ANKEF1: variants seen among roughly 807,000 people sequenced by gnomAD.
ANKEF1 encodes the protein ankyrin repeat and EF-hand domain-containing protein 1.
Under a neutral mutation model 65.1 loss-of-function variants are expected in ANKEF1, and 43 were observed. That is an observed-to-expected ratio of 0.66 (90% CI 0.52 to 0.85). ANKEF1 has a LOEUF of 0.85. ANKEF1 is among the 40% of genes least tolerant of loss of function. The pLI is 0.00. For missense variants in ANKEF1, 934 were observed against 952.9 expected (o/e 0.98, Z 0.26); for synonymous variants, 316 against 341.5 (o/e 0.93, Z 0.82).
intron 8 of ANKEF1, among the ~76,000 whole-genome samples, chr20:10,052,227 G>A (rs1423002290): frequency 6.6e-6 from 1 of 152,066 alleles, no homozygotes; most frequent in Non-Finnish European, 1.5e-5. Flanking sequence ...ATTATATTAA[G>A]TTGCTAAAAA....
Position 10,053,184 on chromosome 20 carries a change from A to G in ANKEF1, c.1943A>G (p.Asp648Gly). 1.2e-6 allele frequency: 2 copies of G among 1,613,782 alleles called. No homozygotes were observed. The highest frequency in any genetic ancestry group is 8.5e-7 in the Non-Finnish European group (1 of 1,179,772). The stretch of plus-strand genomic sequence containing the variant: ...ATTGATCTGATTAAAGAAAAGCTAG[A>G]TAACTTGCCGAAACCAGCAGAAAAT... The part of the protein sequence containing the change: ...RIIDLIKEKL[D>G]NLPKPAENQK... Residue 648 changes from aspartate (D) to glycine (G), a missense_variant, in exon 9 of 11, where the codon GAT (aspartate) becomes GGT (glycine). Physicochemically the swap from Asp to Gly is moderately conservative, Grantham distance 94. Coordinates refer to ENST00000378392, the MANE Select transcript of ANKEF1 (RefSeq NM_022096.6).
At position 10,049,874 on chromosome 20, in the gene ANKEF1, CTG is replaced by C; in HGVS notation, c.1309_1310del (p.Val437HisfsTer3). On this transcript the variant is annotated frameshift_variant, in exon 7 of 11. Coordinates refer to ENST00000378392, the MANE Select transcript of ANKEF1 (RefSeq NM_022096.6). LOFTEE classifies it high-confidence loss of function. ...KGKFVLPLPI[C>X]VIPEYAFPRR... The stretch of plus-strand genomic sequence containing the variant: ...GGAAATTTGTCTTACCCCTTCCAAT[CTG>C]TGTCATTCCTGAGTACGCGTTTCCA... 6.2e-7 allele frequency: 1 copy of C among 1,614,210 alleles called. No homozygotes were observed. The highest frequency in any genetic ancestry group is 8.5e-7 in the Non-Finnish European group (1 of 1,180,032).
intron 9 of ANKEF1, 26 bp from the exon 10 acceptor site, chr20:10,054,436 T>G: frequency 2.0e-6 from 3 of 1,510,458 alleles, no homozygotes; most frequent in Non-Finnish European, 2.6e-6. Flanking sequence ...TTTTACAATT[T>G]ATAATTTTTT....
chr20:10,038,156 A>G (rs1007980893), intron 2 of ANKEF1, 102 bp from the exon 3 acceptor site: 1 of 508,602 alleles, frequency 2.0e-6, no homozygotes, highest in Non-Finnish European at 3.4e-6. Flanking sequence ...CATTTCTTAA[A>G]AAACAATCTC....
chr20:10,053,314 TCTTTAA>T, intron 9 of ANKEF1, 39 bp downstream of exon 9: 1 of 1,548,328 alleles, frequency 6.5e-7, no homozygotes, highest in Non-Finnish European at 8.7e-7. Context: ...TAACTGGAAC[TCTTTAA>T]AAATCTGTTT....
intron 4 of ANKEF1, 42 bp from the exon 5 acceptor site, chr20:10,044,352 T>C (rs1984378417): frequency 6.3e-7 from 1 of 1,593,226 alleles, no homozygotes; most frequent in Non-Finnish European, 8.6e-7. Flanking sequence ...CTTAATATGA[T>C]GGGTATAAAC....
At chr20:10,041,445 A>G (rs1007083624) in intron 3 of ANKEF1, among the ~76,000 whole-genome samples, 1 of 152,094 alleles carries the variant, frequency 6.6e-6, no homozygotes, top group Non-Finnish European at 1.5e-5. Context: ...TAAGATTAGT[A>G]CAATAACCCT....
chr20:10,044,354 G>A, intron 4 of ANKEF1, 40 bp from the exon 5 acceptor site: 1 of 1,604,546 alleles, frequency 6.2e-7, no homozygotes, highest in South Asian at 1.1e-5. Flanking sequence ...TAATATGATG[G>A]GTATAAACAG....
chr20:10,040,342 G>C (rs1984108986), intron 3 of ANKEF1, among the ~76,000 whole-genome samples: 1 of 152,200 alleles, frequency 6.6e-6, no homozygotes, highest in South Asian at 2.1e-4. Context: ...CTATTTTCTG[G>C]TGACTCATGT....
At chr20:10,039,491 ACT>A (rs1389108959) in intron 3 of ANKEF1, among the ~76,000 whole-genome samples, 1 of 152,212 alleles carries the variant, frequency 6.6e-6, no homozygotes, top group Non-Finnish European at 1.5e-5. Context: ...TACTTTTCTA[ACT>A]CTCTCCAGAC....
At chr20:10,037,854 T>C (rs777664989) in intron 2 of ANKEF1, among the ~76,000 whole-genome samples, 3 of 152,224 alleles carry the variant, frequency 2.0e-5, no homozygotes, top group African/African-American at 4.8e-5. Flanking sequence ...CTCAAAATTA[T>C]ATGTTTTTAT....
Position 10,051,937 on chromosome 20 carries a change from T to C in ANKEF1, c.1870+48T>C, listed in dbSNP as rs998727245. The C allele has an allele frequency of 4.3e-6, 6 of 1,401,870 alleles. No homozygotes were observed. The African/African-American group carries it at 4.3e-5, about 10-fold the overall frequency. 86.8% of individuals were successfully genotyped at this position (1,401,870 alleles called of 1,614,324 possible). On this transcript the variant is annotated intron_variant, in intron 8 of 10. Transcript: ENST00000378392. The stretch of plus-strand genomic sequence containing the variant: ...ATTAGGGTTAGAAAAGGAGAACTTA[T>C]GTTAGATTCTAAGCCCCTTCTGATT...
intron 7 of ANKEF1, among the ~76,000 whole-genome samples, chr20:10,050,966 G>A (rs1984827701): frequency 6.6e-6 from 1 of 152,100 alleles, no homozygotes; most frequent in Non-Finnish European, 1.5e-5. Context: ...TAACTTTTTA[G>A]ACTACAACAA....
chr20:10,046,418 C>T (rs1221940047), intron 6 of ANKEF1, among the ~76,000 whole-genome samples: 1 of 151,958 alleles, frequency 6.6e-6, no homozygotes, highest in East Asian at 1.9e-4. Flanking sequence ...GGATAATTTG[C>T]AGTTATGGGG....
chr20:10,038,752 T>C (rs973079694), intron 3 of ANKEF1, 105 bp downstream of exon 3: 12 of 907,270 alleles, frequency 1.3e-5, no homozygotes, highest in Non-Finnish European at 2.0e-5. Context: ...GAATTACTTA[T>C]GGTTTTAAGG....
chr20:10,053,340 C>A, intron 9 of ANKEF1, 65 bp downstream of exon 9: 1 of 1,433,818 alleles, frequency 7.0e-7, no homozygotes, highest in Non-Finnish European at 9.5e-7. Flanking sequence ...TGGGGGAAGG[C>A]AGAAGCACTA....
Position 10,045,695 on chromosome 20 carries a change from G to A in ANKEF1, c.818G>A (p.Arg273Gln), listed in dbSNP as rs766863397. 2.5e-5 allele frequency: 40 copies of A among 1,613,272 alleles called. No individual in the cohort carries two copies. Among genetic ancestry groups the A allele is most frequent in the South Asian group, 8.8e-5 (8 of 91,030 alleles). ...GACTGCTGTAAATATATAGCTCAGC[G>A]AGGTAAAATTGTCTAGCAATTTTGT... ...FADCCKYIAQ[R>Q]GCDLKWKNLD... Residue 273 changes from arginine to glutamine, a missense_variant and splice_region_variant, in exon 6 of 11, where the codon CGA becomes CAA. Physicochemically the swap from Arg to Gln is conservative, Grantham distance 43. Coordinates refer to ENST00000378392, the MANE Select transcript of ANKEF1 (RefSeq NM_022096.6).
At position 10,049,617 on chromosome 20, in the gene ANKEF1, G is replaced by A. The variant is rs374308283; in HGVS notation, c.1048G>A (p.Gly350Ser). ...LREAFAVLDR[G>S]DGSISKNDFV... ...GGAAGCCTTTGCGGTTTTAGACAGG[G>A]GTGATGGAAGCATCAGCAAGAACGA... The change falls in exon 7 of 11, where the codon GGT (glycine) becomes AGT (serine). Residue 350 changes from glycine to serine, a missense_variant. By Grantham distance (56) the Gly-to-Ser change is moderately conservative. Coordinates refer to ENST00000378392, the MANE Select transcript of ANKEF1 (RefSeq NM_022096.6). The A allele has an allele frequency of 6.2e-7, 1 of 1,614,004 alleles. No homozygotes were observed. The highest frequency in any genetic ancestry group is 8.5e-7 in the Non-Finnish European group (1 of 1,180,010).
Position 10,043,198 on chromosome 20 carries a change from T to G in ANKEF1, c.423T>G (p.Asp141Glu), listed in dbSNP as rs945039233. The change falls in exon 4 of 11, where the codon GAT (aspartate) becomes GAG (glutamate). Residue 141 changes from aspartate (D) to glutamate (E), a missense_variant. Transcript: ENST00000378392. ...CALIALEHGA[D>E]VNNSTYEGKP... ...TGATCGCCCTTGAACATGGTGCAGA[T>G]GTCAACAATTCTACCTATGAAGGAA... The G allele has an allele frequency of 6.2e-7, 1 of 1,614,098 alleles. No individual in the cohort carries two copies.
Sources: gnomAD v4.1 joint callset for allele counts (sites outside exome capture counted in the v4.1 genomes callset) on GRCh38, gnomAD v4.1.1 for gene constraint, MANE v1.5 for transcripts, NCBI Gene and HGNC (gene_info 2026-07-23, HGNC 2026-07-21) for gene names.